Variants in RPH3A observed in about 807,000 individuals in gnomAD.
RPH3A encodes rabphilin-3A.
A neutral mutation model predicts 102.2 loss-of-function variants in RPH3A; 48 were observed. That is an observed-to-expected ratio of 0.47 (90% CI 0.37 to 0.60). The LOEUF (loss-of-function observed/expected upper bound fraction) is 0.60. RPH3A is among the 20% of genes least tolerant of loss of function. The pLI is 0.00. For missense variants in RPH3A, 781 were observed against 910.1 expected (o/e 0.86, Z 1.83); for synonymous variants, 310 against 324.3 (o/e 0.96, Z 0.47).
At chr12:112,640,051 C>T (rs1471202682) in intron 1 of RPH3A, among the ~76,000 whole-genome samples, 1 of 151,880 alleles carries the variant, frequency 6.6e-6, no homozygotes, top group African/African-American at 2.4e-5. Flanking sequence ...CCAGGCATGG[C>T]AGCTCACGCC....
intron 1 of RPH3A, chr12:112,591,716 C>T (rs1330375600): frequency 6.6e-6 from 1 of 152,222 alleles, no homozygotes; most frequent in Non-Finnish European, 1.5e-5. Context: ...TGCTTGGATA[C>T]TGCTAGACTG....
At chr12:112,877,224 A>G (rs1725577379) in intron 13 of RPH3A, among the ~76,000 whole-genome samples, 1 of 152,116 alleles carries the variant, frequency 6.6e-6, no homozygotes, top group African/African-American at 2.4e-5. Context: ...TGACTCAGCA[A>G]TTTCGCTCCT....
chr12:112,649,803 GGT>G (rs918542564), intron 1 of RPH3A, among the ~76,000 whole-genome samples: 1 of 152,164 alleles, frequency 6.6e-6, no homozygotes, highest in African/African-American at 2.4e-5. Flanking sequence ...GTGTCAGCAG[GGT>G]TGGTTTCTCC....
chr12:112,670,659 G>A (rs2040121471), intron 1 of RPH3A, among the ~76,000 whole-genome samples: 2 of 152,180 alleles, frequency 1.3e-5, no homozygotes, highest in African/African-American at 4.8e-5. Context: ...GGTCTCATCT[G>A]TCTTAGTCAG....
chr12:112,790,713 C>G (rs866035789), upstream of RPH3A, among the ~76,000 whole-genome samples: 3 of 152,176 alleles, frequency 2.0e-5, no homozygotes, highest in Non-Finnish European at 2.9e-5. Context: ...ATAGTGAATT[C>G]ACTTCAGAAA....
intron 1 of RPH3A, among the ~76,000 whole-genome samples, chr12:112,630,693 C>T (rs985455920): frequency 6.6e-6 from 1 of 152,196 alleles, no homozygotes; most frequent in African/African-American, 2.4e-5. Flanking sequence ...TATCCACTCC[C>T]TTTCCTCTCT....
At chr12:112,841,698 G>GTT (rs1228615333) in intron 4 of RPH3A, among the ~76,000 whole-genome samples, 1 of 112,878 alleles carries the variant, frequency 8.9e-6, no homozygotes, top group African/African-American at 3.7e-5. Flanking sequence ...AGTTTTTTTT[G>GTT]TTTTTTTGGT....
chr12:112,833,700 G>A (rs1435450983), intron 3 of RPH3A, among the ~76,000 whole-genome samples: 1 of 151,044 alleles, frequency 6.6e-6, no homozygotes, highest in Non-Finnish European at 1.5e-5. Flanking sequence ...CACAATTAGG[G>A]TAATTTAAAG....
At chr12:112,658,798 T>C (rs2040030742) in intron 1 of RPH3A, among the ~76,000 whole-genome samples, 1 of 152,164 alleles carries the variant, frequency 6.6e-6, no homozygotes. Context: ...CAAGATCAAT[T>C]TGTTGATAGG....
intron 1 of RPH3A, among the ~76,000 whole-genome samples, chr12:112,592,539 G>A (rs970088218): frequency 1.3e-5 from 2 of 152,250 alleles, no homozygotes; most frequent in East Asian, 1.9e-4. Context: ...GGCTGTTCTC[G>A]AACTCCTGAC....
intron 13 of RPH3A, among the ~76,000 whole-genome samples, chr12:112,877,114 C>T (rs1388515307): frequency 6.6e-6 from 1 of 151,990 alleles, no homozygotes; most frequent in African/African-American, 2.4e-5. Context: ...ATCAATGGTA[C>T]CATGTAAATC....
chr12:112,613,546 T>A (rs556955278), intron 1 of RPH3A, among the ~76,000 whole-genome samples: 2 of 152,286 alleles, frequency 1.3e-5, no homozygotes, highest in East Asian at 3.9e-4. Flanking sequence ...GTAGAGATGA[T>A]CCTGGATTAT....
At chr12:112,669,410 A>C (rs766814623) in intron 1 of RPH3A, among the ~76,000 whole-genome samples, 4 of 152,236 alleles carry the variant, frequency 2.6e-5, no homozygotes, top group Non-Finnish European at 5.9e-5. Flanking sequence ...AGTTCAAAGA[A>C]ATGTTGGCCA....
At position 112,881,639 on chromosome 12, in the gene RPH3A, C is replaced by G. The variant is rs1363542882; in HGVS notation, c.1252-133C>G. ...TTCCATGATACTGCATTTCCCTTCTCTCTCTTTGGAGGAGGAAGCACACAG... is the reference window on the plus strand; with the variant it reads ...TTCCATGATACTGCATTTCCCTTCTGTCTCTTTGGAGGAGGAAGCACACAG... On this transcript the variant is annotated intron_variant, in intron 14 of 21. Coordinates refer to ENST00000389385, the MANE Select transcript of RPH3A (RefSeq NM_001143854.2). 10 of 575,374 alleles carry G rather than the reference C, an allele frequency of 1.7e-5. No homozygotes were observed. The East Asian group carries it at 2.8e-4, about 16-fold the overall frequency. The allele number at this position is 575,374 out of a possible 1,614,324, so 35.6% of individuals were successfully genotyped here. A position where few individuals can be genotyped will look rare whatever the true frequency, so the allele number is the denominator to read the frequency against.
At chr12:112,815,602 G>C (rs936092531) in intron 2 of RPH3A, among the ~76,000 whole-genome samples, 1 of 152,216 alleles carries the variant, frequency 6.6e-6, no homozygotes, top group Non-Finnish European at 1.5e-5. Flanking sequence ...GGAGCAGGAC[G>C]CCATTTGTGG....
intron 2 of RPH3A, among the ~76,000 whole-genome samples, chr12:112,827,109 G>A (rs186019928): frequency 3.3e-5 from 5 of 152,186 alleles, no homozygotes; most frequent in African/African-American, 9.6e-5. Context: ...CCCATTTAAA[G>A]TGGACAATTC....
intron 1 of RPH3A, among the ~76,000 whole-genome samples, chr12:112,585,354 T>A (rs1398816665): frequency 6.6e-6 from 1 of 152,246 alleles, no homozygotes; most frequent in Non-Finnish European, 1.5e-5. Context: ...TTTTCTTTGA[T>A]GATTTCCCAC....
chr12:112,594,779 C>G (rs2039504875), intron 1 of RPH3A, among the ~76,000 whole-genome samples: 1 of 152,146 alleles, frequency 6.6e-6, no homozygotes, highest in Non-Finnish European at 1.5e-5. Flanking sequence ...TTTTTGTATC[C>G]TCATGGATAA....
intron 1 of RPH3A, among the ~76,000 whole-genome samples, chr12:112,730,137 C>T (rs974921179): frequency 6.6e-6 from 1 of 152,242 alleles, no homozygotes; most frequent in Non-Finnish European, 1.5e-5. Context: ...CCTTCCCTTA[C>T]AGCTCTCAGA....
Sources: gnomAD v4.1 joint callset for allele counts (sites outside exome capture counted in the v4.1 genomes callset) on GRCh38, gnomAD v4.1.1 for gene constraint, MANE v1.5 for transcripts, NCBI Gene and HGNC (gene_info 2026-07-23, HGNC 2026-07-21) for gene names.